Variants in CFAP54 observed in about 807,000 individuals in gnomAD.
CFAP54 encodes the protein cilia- and flagella-associated protein 54.
In CFAP54, 290 loss-of-function variants were observed where a neutral mutation model predicts 370.4. The observed-to-expected ratio is 0.78, with a 90% CI of 0.71 to 0.86. The LOEUF (loss-of-function observed/expected upper bound fraction) is 0.86, where lower values mean the gene tolerates loss of function less well. CFAP54 is among the 40% of genes least tolerant of loss of function. The pLI, the probability that CFAP54 is intolerant of heterozygous loss-of-function variation, is 0.00. For synonymous variants in CFAP54, 1,206 were observed against 1,236.5 expected (o/e 0.98, Z 0.52); for missense variants, 3,399 against 3,528.7 (o/e 0.96, Z 0.93).
At chr12:96,659,195 C>T (rs1160967961) in intron 38 of CFAP54, among the ~76,000 whole-genome samples, 1 of 152,082 alleles carries the variant, frequency 6.6e-6, no homozygotes. Context: ...GGGGTTCTGC[C>T]CCAATTTCCA....
intron 60 of CFAP54, among the ~76,000 whole-genome samples, chr12:96,778,100 G>A (rs1368550802): frequency 6.6e-6 from 1 of 152,218 alleles, no homozygotes; most frequent in Non-Finnish European, 1.5e-5. Flanking sequence ...CTGCAGATGA[G>A]TTATGAACTG....
At chr12:96,568,634 A>G (rs909044101) in intron 19 of CFAP54, among the ~76,000 whole-genome samples, 1 of 152,200 alleles carries the variant, frequency 6.6e-6, no homozygotes, top group African/African-American at 2.4e-5. Context: ...ATGTTTTACA[A>G]TATCATGATC....
At chr12:96,664,822 T>TAG (rs1290980249) in intron 39 of CFAP54, among the ~76,000 whole-genome samples, 5 of 137,580 alleles carry the variant, frequency 3.6e-5, no homozygotes, top group African/African-American at 1.4e-4. Flanking sequence ...TAGATATATA[T>TAG]ATGTATATCC....
intron 9 of CFAP54, among the ~76,000 whole-genome samples, chr12:96,533,362 T>G (rs915861388): frequency 1.3e-5 from 2 of 151,922 alleles, no homozygotes; most frequent in African/African-American, 4.9e-5. Flanking sequence ...CCCTCTGCTC[T>G]TCTCTTAAAT....
chr12:96,584,695 G>T (rs1376633541), intron 22 of CFAP54, among the ~76,000 whole-genome samples: 2 of 150,172 alleles, frequency 1.3e-5, no homozygotes, highest in Non-Finnish European at 3.0e-5. Context: ...AGATAATTCT[G>T]ACTTATAGTT....
chr12:96,537,105 C>G (rs1293644460), intron 12 of CFAP54, among the ~76,000 whole-genome samples: 1 of 152,036 alleles, frequency 6.6e-6, no homozygotes, highest in Non-Finnish European at 1.5e-5. Flanking sequence ...TCAGAGAGCT[C>G]CAGGTTTGGT....
intron 17 of CFAP54, among the ~76,000 whole-genome samples, chr12:96,563,737 G>T (rs571935965): frequency 1.6e-4 from 24 of 152,310 alleles, no homozygotes; most frequent in African/African-American, 5.5e-4. Flanking sequence ...GGGGTTTATT[G>T]TAAGGTTACT....
At chr12:96,818,068 G>A (rs1958996580) in intron 65 of CFAP54, among the ~76,000 whole-genome samples, 155 bp downstream of exon 65, 1 of 152,154 alleles carries the variant, frequency 6.6e-6, no homozygotes, top group Non-Finnish European at 1.5e-5. Flanking sequence ...CATATGTAGT[G>A]TGTCTTCTGA....
At chr12:96,749,114 A>G (rs146450556) in intron 55 of CFAP54, among the ~76,000 whole-genome samples, 428 of 152,310 alleles carry the variant, frequency 2.8e-3, no homozygotes, top group African/African-American at 9.8e-3. Flanking sequence ...TAATTTATAA[A>G]CAGCGGAAAC....
rs1487336961 is a variant in CFAP54 at position 96,817,904 on chromosome 12, T to C, written c.9087T>C (p.Asn3029=). ...AAGTGGAAGAGGAATCAGTTGATAATGAAATGGAAGTAAGTTGTTAAATAA... is the reference window on the plus strand; with the variant it reads ...AAGTGGAAGAGGAATCAGTTGATAACGAAATGGAAGTAAGTTGTTAAATAA... ...EVEVEEESVD[N]EMEDMIIQCC... Residue 3029 remains asparagine, a synonymous_variant, in exon 65 of 68, where the codon AAT becomes AAC. Transcript: ENST00000524981. The C allele has an allele frequency of 6.8e-7, 1 of 1,476,652 alleles. No individual in the cohort carries two copies. Among genetic ancestry groups the C allele is most frequent in the Non-Finnish European group, 8.9e-7 (1 of 1,117,526 alleles). The allele number at this position is 1,476,652 out of a possible 1,614,324, so 91.5% of individuals were successfully genotyped here.
At chr12:96,658,872 G>C (rs968243662) in intron 38 of CFAP54, among the ~76,000 whole-genome samples, 1 of 152,134 alleles carries the variant, frequency 6.6e-6, no homozygotes, top group African/African-American at 2.4e-5. Context: ...AGCAAAACTC[G>C]TAAAGACAGG....
At chr12:96,723,378 A>G (rs1565954383) in intron 50 of CFAP54, among the ~76,000 whole-genome samples, 1 of 152,146 alleles carries the variant, frequency 6.6e-6, no homozygotes, top group Non-Finnish European at 1.5e-5. Flanking sequence ...CAGAAAGGGG[A>G]CTGAGAAGAA....
chr12:96,574,772 T>C (rs542734238), intron 19 of CFAP54, among the ~76,000 whole-genome samples: 121 of 152,228 alleles, frequency 7.9e-4, no homozygotes, highest in Non-Finnish European at 1.3e-3. Context: ...TGTATTAGTA[T>C]TTTATGTATT....
At chr12:96,560,263 G>T (rs971893598) in intron 17 of CFAP54, among the ~76,000 whole-genome samples, 20 of 151,958 alleles carry the variant, frequency 1.3e-4, no homozygotes, top group South Asian at 4.2e-4. Context: ...ACCAATCTCT[G>T]GTTATCCCCC....
intron 17 of CFAP54, among the ~76,000 whole-genome samples, chr12:96,557,055 G>T (rs116246810): frequency 6.6e-6 from 1 of 152,052 alleles, no homozygotes; most frequent in African/African-American, 2.4e-5. Context: ...AACTTAAAGC[G>T]AAAGTTAAAT....
intron 48 of CFAP54, among the ~76,000 whole-genome samples, chr12:96,712,450 A>G (rs1283126311): frequency 3.3e-5 from 5 of 152,120 alleles, no homozygotes; most frequent in African/African-American, 9.7e-5. Context: ...TTTTATATAC[A>G]CATAAAATGT....
At chr12:96,649,863 C>A in intron 34 of CFAP54, 28 bp from the exon 35 acceptor site, 2 of 1,452,570 alleles carry the variant, frequency 1.4e-6, no homozygotes, top group South Asian at 2.6e-5. Context: ...TGTTTTTAAT[C>A]ATGTCATATC....
chr12:96,640,360 A>G (rs549525355), intron 32 of CFAP54, among the ~76,000 whole-genome samples: 1 of 152,354 alleles, frequency 6.6e-6, no homozygotes, highest in African/African-American at 2.4e-5. Flanking sequence ...TAGGAATCCA[A>G]CTTACAAGTG....
intron 19 of CFAP54, among the ~76,000 whole-genome samples, chr12:96,572,094 A>C (rs1955924969): frequency 6.6e-6 from 1 of 152,210 alleles, no homozygotes; most frequent in Admixed American, 6.5e-5. Flanking sequence ...CACTGTAATA[A>C]AGATTACCCT....
Sources: gnomAD v4.1 joint callset for allele counts (sites outside exome capture counted in the v4.1 genomes callset) on GRCh38, gnomAD v4.1.1 for gene constraint, MANE v1.5 for transcripts, NCBI Gene and HGNC (gene_info 2026-07-23, HGNC 2026-07-21) for gene names.